DPP9: variants seen among roughly 807,000 people sequenced by gnomAD.
DPP9 encodes dipeptidyl peptidase IV-related protein-2.
Under a neutral mutation model 110.7 loss-of-function variants are expected in DPP9, and 50 were observed. The observed-to-expected ratio is 0.45, with a 90% CI of 0.36 to 0.57. The LOEUF is 0.57. Among genes scored for constraint, DPP9 ranks in the 20% least tolerant of loss-of-function variants. DPP9 has a pLI of 0.00. For synonymous variants in DPP9, 561 were observed against 514.4 expected (o/e 1.09, Z -1.23); for missense variants, 1,022 against 1,217.9 (o/e 0.84, Z 2.39).
rs10421782 is a variant in DPP9 at position 4,685,264 on chromosome 19, A to C, written c.2031+362T>G. 188,556 of 527,550 alleles carry C rather than the reference A, an allele frequency of 0.36. 38,913 individuals are homozygous for C. The highest frequency in any genetic ancestry group is 0.7 in the African/African-American group (36,789 of 52,836). The allele number at this position is 527,550 out of a possible 1,614,324, so 32.7% of individuals were successfully genotyped here. The stretch of plus-strand genomic sequence containing the variant: ...TAAGATGTGCGCCTAAGATGGTCCA[A>C]CTGCCAATCTGCTGCCTGCTTTTGA... On this transcript the variant is annotated intron_variant, in intron 17 of 21. Transcript: ENST00000262960. The surrounding 1 kb of genome is among the most constrained non-coding windows in gnomAD (Gnocchi z 5.8).
At position 4,682,727 on chromosome 19, in the gene DPP9, C is replaced by T. The variant is rs1460528563; in HGVS notation, c.2443G>A (p.Val815Met). The change falls in exon 20 of 22, where the codon GTG (valine) becomes ATG (methionine). Residue 815 changes from valine to methionine, a missense_variant. Physicochemically the swap from Val to Met is conservative, Grantham distance 21. Coordinates refer to ENST00000262960, the MANE Select transcript of DPP9 (RefSeq NM_139159.5). The surrounding 1 kb of genome is among the most constrained non-coding windows in gnomAD (Gnocchi z 7.1). ...NNQHGYEAGS[V>M]ALHVEKLPNE... ...GGCAGCTTCTCCACGTGCAGGGCCA[C>T]GGAACCCGCCTCATAGCCGTGCTGG... 8 of 1,609,172 alleles carry T rather than the reference C, an allele frequency of 5.0e-6. No individual in the cohort carries two copies. The highest frequency in any genetic ancestry group is 2.7e-5 in the African/African-American group (2 of 74,998).
At chr19:4,692,488 C>T (rs535774423) in intron 13 of DPP9, among the ~76,000 whole-genome samples, 12 of 152,122 alleles carry the variant, frequency 7.9e-5, no homozygotes, top group Non-Finnish European at 1.5e-4. Flanking sequence ...CGCGTCCCGA[C>T]GTGTTCCTTC....
Position 4,684,458 on chromosome 19 carries a change from C to T in DPP9, c.2178+205G>A, listed in dbSNP as rs2090387279. On this transcript the variant is annotated intron_variant, in intron 18 of 21. Coordinates refer to ENST00000262960, the MANE Select transcript of DPP9 (RefSeq NM_139159.5). The surrounding 1 kb of genome is among the most constrained non-coding windows in gnomAD (Gnocchi z 4.8). ...GTGTCAGCACAACTTGTCTCTGTCC[C>T]TGCAGGGCGCAGCCCAGAGCTGAGC... 4.9e-6 allele frequency: 3 copies of T among 615,538 alleles called. No homozygotes were observed. The South Asian group carries it at 6.0e-5, about 12-fold the overall frequency. The allele number at this position is 615,538 out of a possible 1,614,324, so 38.1% of individuals were successfully genotyped here. A position where few individuals can be genotyped will look rare whatever the true frequency, so the allele number is the denominator to read the frequency against.
rs1436255274 is a variant in DPP9, at chr19:4,684,501, CT to C, written c.2178+161del. 2.6e-6 allele frequency: 2 copies of C among 758,502 alleles called. No individual in the cohort carries two copies. The highest frequency in any genetic ancestry group is 4.2e-6 in the Non-Finnish European group (2 of 477,100). The allele number at this position is 758,502 out of a possible 1,614,324, so 47.0% of individuals were successfully genotyped here. ...AGCTGAGCAGCAAAGCATACATCCC[CT>C]TTTGTTCTAAAAGGGCGCCTCATTG... On this transcript the variant is annotated intron_variant, in intron 18 of 21. Transcript: ENST00000262960. This position sits in a 1 kb window ranked among gnomAD's most constrained non-coding sequence, Gnocchi z 4.8.
chr19:4,687,105 C>G lies in DPP9; in HGVS notation c.1886-1334G>C, dbSNP rs1220016291. ...TGCTGAGCCCCTTCCCCTCCCTGACCCATCTCCTCATCTGAAGCCAGGGCT... is the reference window on the plus strand; with the variant it reads ...TGCTGAGCCCCTTCCCCTCCCTGACGCATCTCCTCATCTGAAGCCAGGGCT... On this transcript the variant is annotated intron_variant, in intron 16 of 21. Coordinates refer to ENST00000262960, the MANE Select transcript of DPP9 (RefSeq NM_139159.5). This position sits in a 1 kb window ranked among gnomAD's most constrained non-coding sequence, Gnocchi z 4.7. Among the ~76,000 whole-genome samples the G allele has an allele frequency of 6.6e-6, 1 of 152,158 alleles. No individual in the cohort carries two copies. Among genetic ancestry groups the G allele is most frequent in the Non-Finnish European group, 1.5e-5 (1 of 68,036 alleles).
At position 4,702,132 on chromosome 19, in the gene DPP9, G is replaced by T; in HGVS notation, c.907C>A (p.Arg303=). The change falls in exon 9 of 22, where the codon CGA becomes AGA. Residue 303 remains arginine, a synonymous_variant. Coordinates refer to ENST00000262960, the MANE Select transcript of DPP9 (RefSeq NM_139159.5). The part of the protein sequence containing the change: ...WEGSEGLKTL[R]ILYEEVDESE... ...TCATCGACTTCCTCATACAGGATTC[G>T]CAGCGTCTTGAGGCCCTCTGAACCT... The T allele has an allele frequency of 6.2e-7, 1 of 1,613,522 alleles. No homozygotes were observed. The highest frequency in any genetic ancestry group is 8.5e-7 in the Non-Finnish European group (1 of 1,179,588).
Position 4,688,889 on chromosome 19 carries a change from A to C in DPP9, c.1753T>G (p.Phe585Val). ...FSHSCSMSQN[F>V]DMFVSHYSSV... ...CTGTAGTGGCTGACGAACATGTCGA[A>C]GTTCTGGGGGTGGAATGGGGTGATG... The change falls in exon 16 of 22, where the codon TTC (phenylalanine) becomes GTC (valine). Residue 585 changes from phenylalanine to valine, a missense_variant. By Grantham distance (50) the Phe-to-Val change is conservative. Transcript: ENST00000262960. The C allele has an allele frequency of 6.6e-7, 1 of 1,518,212 alleles. No homozygotes were observed. Among genetic ancestry groups the C allele is most frequent in the Non-Finnish European group, 8.7e-7 (1 of 1,148,730 alleles). The allele number at this position is 1,518,212 out of a possible 1,614,324, so 94.0% of individuals were successfully genotyped here.
intron 4 of DPP9, among the ~76,000 whole-genome samples, chr19:4,713,474 G>A (rs1054286063): frequency 6.6e-5 from 10 of 152,222 alleles, no homozygotes; most frequent in African/African-American, 1.7e-4. Flanking sequence ...GAGGAGCTGC[G>A]TGCAGGCACA....
Position 4,693,885 on chromosome 19 carries a change from C to T in DPP9, c.1516+776G>A, listed in dbSNP as rs1032050085. Among the ~76,000 whole-genome samples the T allele has an allele frequency of 1.3e-5, 2 of 152,076 alleles. No homozygotes were observed. The highest frequency in any genetic ancestry group is 2.4e-5 in the African/African-American group (1 of 41,440). Reference sequence around the variant, plus strand: ...AGGGGCCTCCTCCCTATTCCTCCAACATGCCAGGAACAGTCCTGCCTGCCC... The same window carrying T: ...AGGGGCCTCCTCCCTATTCCTCCAATATGCCAGGAACAGTCCTGCCTGCCC... On this transcript the variant is annotated intron_variant, in intron 13 of 21. Transcript: ENST00000262960. The surrounding 1 kb of genome is among the most constrained non-coding windows in gnomAD (Gnocchi z 5.0).
intron 3 of DPP9, among the ~76,000 whole-genome samples, chr19:4,717,402 CCCAGAAAACTGAG>C (rs1438638801): frequency 1.3e-5 from 2 of 152,152 alleles, no homozygotes; most frequent in African/African-American, 2.4e-5. Flanking sequence ...TGGCAGCAAG[CCCAGAAAACTGAG>C]CCCGGGGAGC....
intron 21 of DPP9, among the ~76,000 whole-genome samples, chr19:4,678,982 C>A (rs1339908461): frequency 6.6e-6 from 1 of 152,104 alleles, no homozygotes; most frequent in Non-Finnish European, 1.5e-5. Flanking sequence ...TCACCTCCCA[C>A]CACCCTCAGT....
rs937525840 is a variant in DPP9 at position 4,709,946 on chromosome 19, G to C, written c.314-3976C>G. Among the ~76,000 whole-genome samples the C allele has an allele frequency of 1.2e-4, 18 of 152,200 alleles. 1 individual carries two copies. Among genetic ancestry groups the C allele is most frequent in the Admixed American group, 1.2e-3 (18 of 15,282 alleles). On this transcript the variant is annotated intron_variant, in intron 4 of 21. Coordinates refer to ENST00000262960, the MANE Select transcript of DPP9 (RefSeq NM_139159.5). ...AGGACACCAGGGCCACCTCCTTCTAGGCTGATTAATCAATGATCACCAAAT... is the reference window on the plus strand; with the variant it reads ...AGGACACCAGGGCCACCTCCTTCTACGCTGATTAATCAATGATCACCAAAT...
rs1568328827 is a variant in DPP9 at position 4,710,233 on chromosome 19, G to GGGGGATCGTGATCCACACAGGGCT, written c.313+3824_313+3847dup. ...TGTGGCCTCGAGTGGCTGGCCTGGT[G>GGGGGATCGTGATCCACACAGGGCT]GGGGATCGTGATCCACACAGGGCTA... On this transcript the variant is annotated intron_variant, in intron 4 of 21. Coordinates refer to ENST00000262960, the MANE Select transcript of DPP9 (RefSeq NM_139159.5). The surrounding 1 kb of genome is among the most constrained non-coding windows in gnomAD (Gnocchi z 5.6). Among the ~76,000 whole-genome samples the GGGGGATCGTGATCCACACAGGGCT allele has an allele frequency of 6.7e-6, 1 of 149,750 alleles. No individual in the cohort carries two copies. Among genetic ancestry groups the GGGGGATCGTGATCCACACAGGGCT allele is most frequent in the Non-Finnish European group, 1.5e-5 (1 of 67,810 alleles).
Position 4,688,698 on chromosome 19 carries a change from G to A in DPP9, c.1885+59C>T, listed in dbSNP as rs529063600. On this transcript the variant is annotated intron_variant, in intron 16 of 21. Coordinates refer to ENST00000262960, the MANE Select transcript of DPP9 (RefSeq NM_139159.5). ...CCTCTTTCCCCAGCATGGGGCCCTCGTCCCGTTTTACAGCCGGGCGGGCGG... is the reference window on the plus strand; with the variant it reads ...CCTCTTTCCCCAGCATGGGGCCCTCATCCCGTTTTACAGCCGGGCGGGCGG... 1.5e-3 allele frequency: 2,005 copies of A among 1,364,706 alleles called. 4 individuals carry two copies. The highest frequency in any genetic ancestry group is 5.9e-3 in the Middle Eastern group (23 of 3,880). The allele number at this position is 1,364,706 out of a possible 1,614,324, so 84.5% of individuals were successfully genotyped here. A position where few individuals can be genotyped will look rare whatever the true frequency, so the allele number is the denominator to read the frequency against.
At chr19:4,722,183 C>G in intron 2 of DPP9, 1 of 343,754 alleles carries the variant, frequency 2.9e-6, no homozygotes, top group Non-Finnish European at 5.3e-6. Context: ...AGAATCCACA[C>G]CATTTACTGA....
rs1005938882 is a variant in DPP9 at position 4,710,037 on chromosome 19, G to C, written c.313+4044C>G. 6.6e-6 allele frequency among the ~76,000 whole-genome samples: 1 copy of C among 152,196 alleles called. No homozygotes were observed. The highest frequency in any genetic ancestry group is 1.5e-5 in the Non-Finnish European group (1 of 68,028). On this transcript the variant is annotated intron_variant, in intron 4 of 21. Coordinates refer to ENST00000262960, the MANE Select transcript of DPP9 (RefSeq NM_139159.5). The surrounding 1 kb of genome is among the most constrained non-coding windows in gnomAD (Gnocchi z 5.6). ...ACTATGATGGTGACAACTGGCCTTT[G>C]AGGCAAGGGCTAGAGGTGACCGCCA...
rs1317944475 is a variant in DPP9, at chr19:4,697,589, C to CT, written c.1136dup (p.Tyr380ValfsTer43). ...GGGTCCACCCGGCCCTGGCGATGTACTCCACCTTCGGGAACAGCGAGCTGA... is the reference window on the plus strand; with the variant it reads ...GGGTCCACCCGGCCCTGGCGATGTACTTCCACCTTCGGGAACAGCGAGCTGA... On this transcript the variant is annotated frameshift_variant, in exon 11 of 22. Transcript: ENST00000262960. LOFTEE classifies it high-confidence loss of function. 1.2e-6 allele frequency: 2 copies of CT among 1,613,834 alleles called. No individual in the cohort carries two copies. The highest frequency in any genetic ancestry group is 1.7e-6 in the Non-Finnish European group (2 of 1,179,882).
chr19:4,701,003 G>A (rs2092213772), intron 9 of DPP9, among the ~76,000 whole-genome samples: 1 of 152,214 alleles, frequency 6.6e-6, no homozygotes, highest in Admixed American at 6.5e-5. Flanking sequence ...GACCGTACAG[G>A]AAGCTTCCAT....
chr19:4,679,395 ACT>A (rs2089466509), intron 21 of DPP9: 1 of 162,818 alleles, frequency 6.1e-6, no homozygotes, highest in Admixed American at 6.1e-5. Flanking sequence ...GGCTCCACTC[ACT>A]CTAGCACCCT....
Sources: allele counts gnomAD v4.1 joint callset (sites outside exome capture counted in the v4.1 genomes callset), GRCh38; gene constraint gnomAD v4.1.1; non-coding constraint Gnocchi (gnomAD v3.1); transcripts MANE v1.5; gene names NCBI Gene and HGNC (gene_info 2026-07-23, HGNC 2026-07-21).